DRC9: variants seen among roughly 807,000 people sequenced by gnomAD.
DRC9 encodes dynein regulatory complex subunit 9, also known as dynein regulatory complex protein 9.
At chr3:197,891,696 T>C in the DRC9 span, 2 of 439,904 alleles carry the variant, frequency 4.5e-6, no homozygotes, top group Middle Eastern at 3.5e-4. Flanking sequence ...GATTCCTAGA[T>C]GGTAAATATT....
chr3:197,942,755 T>A, the DRC9 span, among the ~76,000 whole-genome samples: 3 of 151,906 alleles, frequency 2.0e-5, no homozygotes, highest in African/African-American at 7.3e-5. Flanking sequence ...CCGTCTCTAC[T>A]AAAAGTACAA....
chr3:197,946,434 C>CA, the DRC9 span, among the ~76,000 whole-genome samples: 7,913 of 71,182 alleles, frequency 0.11, 802 homozygotes, highest in African/African-American at 0.23. Flanking sequence ...GACTCCGTCT[C>CA]AAAAAAAAAA....
chr3:197,951,424 C>G, the DRC9 span: 4 of 1,180,756 alleles, frequency 3.4e-6, no homozygotes, highest in African/African-American at 4.5e-5. Flanking sequence ...CTTGGTCTCC[C>G]TCACCGAAAC....
At chr3:197,945,843 C>G in the DRC9 span, among the ~76,000 whole-genome samples, 1 of 152,298 alleles carries the variant, frequency 6.6e-6, no homozygotes, top group South Asian at 2.1e-4. Context: ...GGCGAAAGAG[C>G]CTCCGACATC....
chr3:197,922,713 A>AAAATAAATAAATAAATAAAT, the DRC9 span, among the ~76,000 whole-genome samples: 2 of 100,900 alleles, frequency 2.0e-5, no homozygotes, highest in African/African-American at 9.2e-5. Context: ...CTCAAAAATA[A>AAAATAAATAAATAAATAAAT]AAATAAATAA....
chr3:197,932,875 T>C, the DRC9 span, among the ~76,000 whole-genome samples: 299 of 92,460 alleles, frequency 3.2e-3, 1 homozygote, highest in African/African-American at 0.015. Flanking sequence ...GTATAATATA[T>C]ATTATATATG....
the DRC9 span, among the ~76,000 whole-genome samples, chr3:197,942,558 G>C: frequency 6.7e-5 from 10 of 149,922 alleles, no homozygotes; most frequent in African/African-American, 2.5e-4. Flanking sequence ...CAAACAAAAT[G>C]AAAAAAAAAG....
At chr3:197,935,260 G>A in the DRC9 span, among the ~76,000 whole-genome samples, 1 of 152,018 alleles carries the variant, frequency 6.6e-6, no homozygotes, top group Non-Finnish European at 1.5e-5. Flanking sequence ...GGCTAACATG[G>A]TGAAACCCTG....
At chr3:197,946,060 A>G in the DRC9 span, among the ~76,000 whole-genome samples, 1 of 152,204 alleles carries the variant, frequency 6.6e-6, no homozygotes, top group East Asian at 1.9e-4. Context: ...TAATTAGGTC[A>G]CTCAATTCAT....
At chr3:197,926,596 C>T in the DRC9 span, among the ~76,000 whole-genome samples, 3 of 152,134 alleles carry the variant, frequency 2.0e-5, no homozygotes, top group East Asian at 5.8e-4. Flanking sequence ...CTACAGGGGG[C>T]GTAAGTCAGC....
the DRC9 span, chr3:197,913,269 C>T: frequency 1.5e-4 from 28 of 187,808 alleles, no homozygotes; most frequent in East Asian, 3.5e-3. Flanking sequence ...CTCAAGGATC[C>T]TCCTGCCTCA....
At chr3:197,928,177 A>G in the DRC9 span, among the ~76,000 whole-genome samples, 1 of 152,156 alleles carries the variant, frequency 6.6e-6, no homozygotes, top group Non-Finnish European at 1.5e-5. Flanking sequence ...TATCATTGAA[A>G]TTTTATTATA....
At chr3:197,907,722 A>C in the DRC9 span, among the ~76,000 whole-genome samples, 14 of 151,966 alleles carry the variant, frequency 9.2e-5, no homozygotes, top group East Asian at 1.2e-3. Flanking sequence ...AGCCGTTTCC[A>C]AGGCATCCTC....
At chr3:197,901,322 G>C in the DRC9 span, among the ~76,000 whole-genome samples, 3 of 152,178 alleles carry the variant, frequency 2.0e-5, no homozygotes, top group Non-Finnish European at 4.4e-5. The surrounding 1 kb of genome is among the most constrained non-coding windows in gnomAD (Gnocchi z 4.4). Context: ...ATTTTTAGTA[G>C]AGACCAGGTT....
chr3:197,953,308 AGAGGCTGCAGTGAG>A, the DRC9 span, among the ~76,000 whole-genome samples: 1 of 152,198 alleles, frequency 6.6e-6, no homozygotes, highest in Non-Finnish European at 1.5e-5. Flanking sequence ...GCCAGGAGAT[AGAGGCTGCAGTGAG>A]CTATGATTGG....
chr3:197,896,637 C>T, the DRC9 span, among the ~76,000 whole-genome samples: 1 of 152,156 alleles, frequency 6.6e-6, no homozygotes, highest in African/African-American at 2.4e-5. Context: ...GCTGGGAAGT[C>T]CCAAATGAAG....
At chr3:197,926,006 T>A in the DRC9 span, 1 of 1,358,340 alleles carries the variant, frequency 7.4e-7, no homozygotes, top group Non-Finnish European at 1.1e-6. Flanking sequence ...CTTTTGGTGT[T>A]AAGCAGGTAA....
At chr3:197,895,694 C>T in the DRC9 span, among the ~76,000 whole-genome samples, 6 of 151,772 alleles carry the variant, frequency 4.0e-5, no homozygotes, top group African/African-American at 7.3e-5. Context: ...AAATATTGAC[C>T]GGGTGCCGTG....
chr3:197,912,688 C>G, the DRC9 span: 1 of 1,613,510 alleles, frequency 6.2e-7, no homozygotes, highest in Non-Finnish European at 8.5e-7. Flanking sequence ...CTGCTCCTTT[C>G]TAAGGAACAT....
Sources: allele counts gnomAD v4.1 joint callset (sites outside exome capture counted in the v4.1 genomes callset), GRCh38; gene constraint gnomAD v4.1.1; non-coding constraint Gnocchi (gnomAD v3.1); transcripts MANE v1.5; gene names NCBI Gene and HGNC (gene_info 2026-07-23, HGNC 2026-07-21).